BICRA: variants seen among roughly 807,000 people sequenced by gnomAD.
BICRA encodes BRD4 interacting chromatin remodeling complex associated protein, also known as BRD4-interacting chromatin-remodeling complex-associated protein.
BICRA carries 31 observed loss-of-function variants against 96.9 expected under a neutral mutation model. That is an observed-to-expected ratio of 0.32 (90% CI 0.24 to 0.43). BICRA has a LOEUF of 0.43. Among genes scored for constraint, BICRA ranks in the 20% least tolerant of loss-of-function variants. BICRA has a pLI of 1.00. For missense variants in BICRA, 2,283 were observed against 2,190.3 expected (o/e 1.04, Z -0.84); for synonymous variants, 1,350 against 1,071.8 (o/e 1.26, Z -5.07).
At chr19:47,629,914 T>C (rs1972196382) in intron 1 of BICRA, among the ~76,000 whole-genome samples, 1 of 152,114 alleles carries the variant, frequency 6.6e-6, no homozygotes, top group Non-Finnish European at 1.5e-5. Flanking sequence ...CGCTGTGGCC[T>C]CTTCTCAAAA....
In BICRA at chr19:47,611,301, A is replaced by G. The variant is rs1971903613; in HGVS notation, c.-108+2133A>G. ...TTTTTCCCTGGGAGCTGGTTTTGAG[A>G]AGGGGTAAGATGCACCTCGAAGTTG... On this transcript the variant is annotated intron_variant, in intron 1 of 14. Coordinates refer to ENST00000594866, the MANE Select transcript of BICRA (RefSeq NM_001394372.1). 5.3e-5 allele frequency among the ~76,000 whole-genome samples: 8 copies of G among 151,922 alleles called. No individual in the cohort carries two copies. In the South Asian group the frequency reaches 1.7e-3, roughly 32 times the overall value.
At chr19:47,682,469 C>T (rs755890567) in intron 7 of BICRA, among the ~76,000 whole-genome samples, 3 of 152,174 alleles carry the variant, frequency 2.0e-5, no homozygotes, top group Non-Finnish European at 4.4e-5. Flanking sequence ...CAAAAAGATG[C>T]ATAGTGGAAA....
At chr19:47,622,568 C>G (rs962775239) in intron 1 of BICRA, among the ~76,000 whole-genome samples, 3 of 149,982 alleles carry the variant, frequency 2.0e-5, no homozygotes, top group African/African-American at 7.4e-5. Context: ...ACTAAAAATA[C>G]AAAAAATTAG....
chr19:47,651,388 G>A lies in BICRA; in HGVS notation c.-107-19055G>A, dbSNP rs565469581. ...ATTGCATGTCCTCCTCCTTCTGCCTGGAGCCCGCTCTCCTGGGGTGGCCAC... is the reference window on the plus strand; with the variant it reads ...ATTGCATGTCCTCCTCCTTCTGCCTAGAGCCCGCTCTCCTGGGGTGGCCAC... On this transcript the variant is annotated intron_variant, in intron 1 of 14. Coordinates refer to ENST00000594866, the MANE Select transcript of BICRA (RefSeq NM_001394372.1). Among the ~76,000 whole-genome samples the A allele has an allele frequency of 4.6e-5, 7 of 152,156 alleles. No homozygotes were observed. The East Asian group carries it at 1.4e-3, about 29-fold the overall frequency.
In BICRA at chr19:47,702,845, T is replaced by C; in HGVS notation, c.*430T>C. 5.5e-6 allele frequency: 1 copy of C among 182,508 alleles called. No homozygotes were observed. Among genetic ancestry groups the C allele is most frequent in the Non-Finnish European group, 1.1e-5 (1 of 88,864 alleles). The allele number at this position is 182,508 out of a possible 1,614,324, so 11.3% of individuals were successfully genotyped here. On this transcript the variant is annotated 3_prime_UTR_variant, in exon 15 of 15. Transcript: ENST00000594866. ...GAGCTGGCAGGGTCCTTCCAGACAG[T>C]CTCAGCCTCTCCCCGCCGCCCCCAA... is the stretch of plus-strand genomic sequence containing the variant.
chr19:47,695,654 C>T (rs752591927), intron 10 of BICRA, among the ~76,000 whole-genome samples, 180 bp downstream of exon 10: 3 of 152,106 alleles, frequency 2.0e-5, no homozygotes, highest in Non-Finnish European at 4.4e-5. Flanking sequence ...GACACCCAGA[C>T]AGGCAGCCAG....
At chr19:47,611,441 G>C (rs1316337660) in intron 1 of BICRA, among the ~76,000 whole-genome samples, 3 of 152,238 alleles carry the variant, frequency 2.0e-5, no homozygotes, top group Non-Finnish European at 4.4e-5. Flanking sequence ...GGCCAGTGAT[G>C]GGCTCGGGGT....
intron 1 of BICRA, among the ~76,000 whole-genome samples, chr19:47,610,177 C>T (rs972704402): frequency 6.6e-6 from 1 of 152,196 alleles, no homozygotes; most frequent in African/African-American, 2.4e-5. Context: ...AGCCAGGCCG[C>T]GGGCACCCGG....
chr19:47,654,852 G>A (rs923491639), intron 1 of BICRA, among the ~76,000 whole-genome samples: 3 of 151,900 alleles, frequency 2.0e-5, no homozygotes, highest in Non-Finnish European at 2.9e-5. Context: ...TATAATTTTG[G>A]TCGTGTCAAT....
intron 1 of BICRA, among the ~76,000 whole-genome samples, chr19:47,638,233 C>A (rs1037500253): frequency 6.6e-6 from 1 of 152,304 alleles, no homozygotes; most frequent in East Asian, 1.9e-4. Flanking sequence ...CTCTGCTCCC[C>A]CCTCAGGGAG....
At chr19:47,670,869 C>A (rs1972852386) in intron 2 of BICRA, among the ~76,000 whole-genome samples, 1 of 152,026 alleles carries the variant, frequency 6.6e-6, no homozygotes, top group Non-Finnish European at 1.5e-5. Flanking sequence ...CCTGGTGACA[C>A]AGGGGGAGGA....
chr19:47,688,425 A>G (rs1184685288), intron 7 of BICRA, among the ~76,000 whole-genome samples: 1 of 152,152 alleles, frequency 6.6e-6, no homozygotes, highest in East Asian at 1.9e-4. Flanking sequence ...GAGAATGTAG[A>G]AAATACAGAA....
intron 1 of BICRA, among the ~76,000 whole-genome samples, chr19:47,614,272 C>T (rs542603258): frequency 1.3e-5 from 2 of 152,312 alleles, no homozygotes; most frequent in Non-Finnish European, 2.9e-5. Flanking sequence ...GAGACAGCAC[C>T]TCCATTCTGA....
At chr19:47,665,585 T>A (rs533571243) in intron 1 of BICRA, among the ~76,000 whole-genome samples, 1 of 152,332 alleles carries the variant, frequency 6.6e-6, no homozygotes, top group African/African-American at 2.4e-5. Context: ...TTCTCCTGCC[T>A]CAGTCTCCTG....
In BICRA at chr19:47,679,831, A is replaced by G. The variant is rs1339994246; in HGVS notation, c.661A>G (p.Ser221Gly). The part of the protein sequence containing the change: ...IPGLQGLPNG[S>G]PGGATAATLG... ...GGGCCTCCAAGGCCTGCCCAATGGC[A>G]GCCCTGGGGGTGCCACGGCGGCCAC... Residue 221 changes from serine to glycine, a missense_variant, in exon 6 of 15, where the codon AGC becomes GGC. Transcript: ENST00000594866. 6.7e-7 allele frequency: 1 copy of G among 1,486,484 alleles called. No homozygotes were observed. 92.1% of individuals were successfully genotyped at this position (1,486,484 alleles called of 1,614,324 possible). A position where few individuals can be genotyped will look rare whatever the true frequency, so the allele number is the denominator to read the frequency against.
At chr19:47,622,986 G>A (rs959122713) in intron 1 of BICRA, among the ~76,000 whole-genome samples, 3 of 151,186 alleles carry the variant, frequency 2.0e-5, no homozygotes, top group South Asian at 2.1e-4. Context: ...GCAATGAGCC[G>A]AGATAGTGCC....
chr19:47,702,487 C>G lies in BICRA; in HGVS notation c.*72C>G, dbSNP rs1325283626. The G allele has an allele frequency of 7.2e-7, 1 of 1,386,844 alleles. No homozygotes were observed. 85.9% of individuals were successfully genotyped at this position (1,386,844 alleles called of 1,614,324 possible). ...GGACAGTCGGGTGTCCGCCCTCAGC[C>G]TCCTGGGGACTCGAGCCGGGGATCC... is the stretch of plus-strand genomic sequence containing the variant. On this transcript the variant is annotated 3_prime_UTR_variant, in exon 15 of 15. Coordinates refer to ENST00000594866, the MANE Select transcript of BICRA (RefSeq NM_001394372.1).
rs1297096637 is a variant in BICRA, at chr19:47,699,142, T to A, written c.3492+83T>A. ...TTTCCCTCACCCGCTCTGGGCAAGG[T>A]GGAGCCTCCCGCCCCTCCTAGCCCC... On this transcript the variant is annotated intron_variant, in intron 13 of 14. Transcript: ENST00000594866. The surrounding 1 kb of genome is among the most constrained non-coding windows in gnomAD (Gnocchi z 5.0). 29 of 1,071,292 alleles carry A rather than the reference T, an allele frequency of 2.7e-5. No individual in the cohort carries two copies. The East Asian group carries it at 3.9e-4, about 14-fold the overall frequency. The allele number at this position is 1,071,292 out of a possible 1,614,324, so 66.4% of individuals were successfully genotyped here.
Position 47,661,152 on chromosome 19 carries a change from T to C in BICRA, c.-107-9291T>C, listed in dbSNP as rs187461661. 2.3e-3 allele frequency among the ~76,000 whole-genome samples: 317 copies of C among 137,586 alleles called. 2 individuals are homozygous for C. The highest frequency in any genetic ancestry group is 8.7e-3 in the African/African-American group (306 of 35,054). 90.3% of individuals were successfully genotyped at this position (137,586 alleles called of 152,430 possible). Reference sequence around the variant, plus strand: ...TGGCGTGAACCCGGGAGGCAGAGGTTGCAGTGAGCTGAAATCACGCCACTG... The same window carrying C: ...TGGCGTGAACCCGGGAGGCAGAGGTCGCAGTGAGCTGAAATCACGCCACTG... On this transcript the variant is annotated intron_variant, in intron 1 of 14. Transcript: ENST00000594866.
Sources: allele counts gnomAD v4.1 joint callset (sites outside exome capture counted in the v4.1 genomes callset), GRCh38; gene constraint gnomAD v4.1.1; non-coding constraint Gnocchi (gnomAD v3.1); transcripts MANE v1.5; gene names NCBI Gene and HGNC (gene_info 2026-07-23, HGNC 2026-07-21).